The following PTPN4 variants were observed in gnomAD, a reference collection of about 807,000 sequenced individuals.
PTPN4 encodes the protein tyrosine-protein phosphatase non-receptor type 4.
A neutral mutation model predicts 135.5 loss-of-function variants in PTPN4; 49 were observed. The ratio of observed to expected loss-of-function variants is 0.36; its 90% CI spans 0.29 to 0.46. The LOEUF is 0.46. Ranked by LOEUF, PTPN4 falls within the 20% of genes least tolerant of loss-of-function variation. PTPN4 has a pLI of 1.00. For synonymous variants in PTPN4, 333 were observed against 369.9 expected, an observed-to-expected ratio of 0.90 and a Z score of 1.14; for missense variants, 860 against 1,101.0, an observed-to-expected ratio of 0.78 and a Z score of 3.10.
chr2:119,818,600 A>G (rs1273129666), intron 2 of PTPN4, among the ~76,000 whole-genome samples: 1 of 152,180 alleles, frequency 6.6e-6, no homozygotes, highest in African/African-American at 2.4e-5. Context: ...AAGAGAATGT[A>G]CAACAGAGAC....
At chr2:119,876,897 A>T (rs62167257) in intron 3 of PTPN4, among the ~76,000 whole-genome samples, 2 of 136,138 alleles carry the variant, frequency 1.5e-5, no homozygotes, top group Non-Finnish European at 3.2e-5. Context: ...GCCCAAGAGC[A>T]TGTGTGTGTG....
intron 2 of PTPN4, among the ~76,000 whole-genome samples, chr2:119,833,102 CT>C (rs1428532991): frequency 1.3e-5 from 2 of 151,836 alleles, no homozygotes; most frequent in Admixed American, 6.6e-5. Flanking sequence ...GTTTAATTTG[CT>C]TCTTTCACTT....
At chr2:119,887,951 T>A (rs1218269079) in intron 9 of PTPN4, among the ~76,000 whole-genome samples, 1 of 152,172 alleles carries the variant, frequency 6.6e-6, no homozygotes, top group Non-Finnish European at 1.5e-5. Context: ...ATCTGTAGAG[T>A]GCTCTGGCAA....
intron 2 of PTPN4, among the ~76,000 whole-genome samples, chr2:119,857,100 T>C (rs939352768): frequency 2.0e-5 from 3 of 152,022 alleles, no homozygotes; most frequent in Non-Finnish European, 2.9e-5. Context: ...TTTTTTTTTA[T>C]TTTGAGACAG....
At chr2:119,911,121 ATAAG>A (rs1678565080) in intron 10 of PTPN4, among the ~76,000 whole-genome samples, 1 of 152,170 alleles carries the variant, frequency 6.6e-6, no homozygotes, top group African/African-American at 2.4e-5. Context: ...CCAATTTTAC[ATAAG>A]CTCTTTTAGA....
intron 14 of PTPN4, among the ~76,000 whole-genome samples, chr2:119,934,016 G>A (rs1678945975): frequency 6.6e-6 from 1 of 152,116 alleles, no homozygotes; most frequent in African/African-American, 2.4e-5. Flanking sequence ...GAAAATAATA[G>A]CAAGTTAAGC....
In PTPN4 at chr2:119,869,494, T is replaced by C. The variant is rs75369285; in HGVS notation, c.246+6851T>C. ...TCTAACTATACATGCATAGTTCAGC[T>C]GTCAGCCAGAGTTTGGAGCTAATCC... is the stretch of plus-strand genomic sequence containing the variant. On this transcript the variant is annotated intron_variant, in intron 3 of 26. Coordinates refer to ENST00000263708, the MANE Select transcript of PTPN4 (RefSeq NM_002830.4). Among the ~76,000 whole-genome samples, 334 of 152,344 alleles carry C rather than the reference T, an allele frequency of 2.2e-3. 2 individuals carry two copies. The highest frequency in any genetic ancestry group is 3.9e-3 in the Non-Finnish European group (268 of 68,030).
rs70949378 is a variant in PTPN4 at position 119,973,655 on chromosome 2, G to GTTTTTTTTTTTTTTTTTTTTT, written c.2695-3322_2695-3302dup. Among the ~76,000 whole-genome samples, 32 of 38,392 alleles carry GTTTTTTTTTTTTTTTTTTTTT rather than the reference G, an allele frequency of 8.3e-4. 12 individuals carry two copies. Among genetic ancestry groups the GTTTTTTTTTTTTTTTTTTTTT allele is most frequent in the African/African-American group, 1.1e-3 (9 of 7,952 alleles). The allele number at this position is 38,392 out of a possible 152,430, so 25.2% of individuals were successfully genotyped here. ...TTGAAAGCTTCCTCCTTCATTTCTT[G>GTTTTTTTTTTTTTTTTTTTTT]TTTTTTTTTTTTTTTTTTTTTTTTT... is the stretch of plus-strand genomic sequence containing the variant. On this transcript the variant is annotated intron_variant, in intron 26 of 26. Coordinates refer to ENST00000263708, the MANE Select transcript of PTPN4 (RefSeq NM_002830.4).
intron 13 of PTPN4, among the ~76,000 whole-genome samples, chr2:119,929,756 T>C (rs1377889807): frequency 6.6e-6 from 1 of 152,000 alleles, no homozygotes; most frequent in Non-Finnish European, 1.5e-5. Flanking sequence ...ATACATGAAG[T>C]TTGGTTTTAA....
At chr2:119,855,825 A>T (rs776862178) in intron 2 of PTPN4, among the ~76,000 whole-genome samples, 16 of 151,742 alleles carry the variant, frequency 1.1e-4, no homozygotes, top group Non-Finnish European at 1.9e-4. Flanking sequence ...TTTTTTTGAG[A>T]CAGACTCTGT....
Position 119,979,438 on chromosome 2 carries a change from A to G in PTPN4, c.*2368A>G, listed in dbSNP as rs1197371082. 1 of 152,142 alleles carries G rather than the reference A, an allele frequency of 6.6e-6. No homozygotes were observed. Among genetic ancestry groups the G allele is most frequent in the Non-Finnish European group, 1.5e-5 (1 of 67,980 alleles). The allele number at this position is 152,142 out of a possible 1,614,324, so 9.4% of individuals were successfully genotyped here. On this transcript the variant is annotated 3_prime_UTR_variant, in exon 27 of 27. Transcript: ENST00000263708. ...GTTTAGAATTACATTTAAATTTCTC[A>G]TATATGAATTTTTCATCTGGGAACT...
chr2:119,899,943 T>C (rs1313144828), intron 9 of PTPN4, among the ~76,000 whole-genome samples: 1 of 152,172 alleles, frequency 6.6e-6, no homozygotes, highest in East Asian at 1.9e-4. Flanking sequence ...TAATAAGTTC[T>C]ATCTTCTGAT....
chr2:119,895,961 G>A (rs1244945668), intron 9 of PTPN4, among the ~76,000 whole-genome samples: 2 of 151,488 alleles, frequency 1.3e-5, no homozygotes, highest in Non-Finnish European at 2.9e-5. Context: ...CACCACAAGA[G>A]AAAGTGAAAT....
chr2:119,802,297 A>G (rs1691392644), intron 1 of PTPN4, among the ~76,000 whole-genome samples: 1 of 152,172 alleles, frequency 6.6e-6, no homozygotes, highest in Non-Finnish European at 1.5e-5. Context: ...ATTCCTGGTT[A>G]TAGGGGAAAG....
chr2:119,859,426 T>C (rs911089895), intron 2 of PTPN4, among the ~76,000 whole-genome samples: 25 of 152,352 alleles, frequency 1.6e-4, no homozygotes, highest in African/African-American at 5.0e-4. Flanking sequence ...GCTTACTTTT[T>C]AAATTTTGGT....
At chr2:119,912,669 A>G in intron 10 of PTPN4, among the ~76,000 whole-genome samples, 1 of 152,192 alleles carries the variant, frequency 6.6e-6, no homozygotes, top group East Asian at 1.9e-4. Context: ...AACTGTAAAT[A>G]TGTTGGATAT....
At chr2:119,955,738 C>T (rs1679271092) in intron 20 of PTPN4, among the ~76,000 whole-genome samples, 1 of 151,964 alleles carries the variant, frequency 6.6e-6, no homozygotes, top group Non-Finnish European at 1.5e-5. Context: ...GAGATCAAGA[C>T]AATCCTGGCC....
intron 26 of PTPN4, among the ~76,000 whole-genome samples, chr2:119,969,467 T>C (rs1463338936): frequency 2.0e-5 from 3 of 152,216 alleles, no homozygotes; most frequent in Non-Finnish European, 4.4e-5. Context: ...TTTGTTCATA[T>C]TTTAGTGTGT....
intron 2 of PTPN4, among the ~76,000 whole-genome samples, chr2:119,843,743 G>C (rs1230269424): frequency 5.8e-5 from 3 of 51,552 alleles, no homozygotes; most frequent in South Asian, 1.7e-3. Context: ...CTGGCCGGGC[G>C]GGGGGGCTGA....
Sources: allele counts gnomAD v4.1 joint callset (sites outside exome capture counted in the v4.1 genomes callset), GRCh38; gene constraint gnomAD v4.1.1; transcripts MANE v1.5; gene names NCBI Gene and HGNC (gene_info 2026-07-23, HGNC 2026-07-21).